GALNT10: variants seen among roughly 807,000 people sequenced by gnomAD.
GALNT10 encodes GalNAc transferase 10.
Under a neutral mutation model 75.0 loss-of-function variants are expected in GALNT10, and 41 were observed. The ratio of observed to expected loss-of-function variants is 0.55; its 90% confidence interval spans 0.43 to 0.71. GALNT10 has a LOEUF of 0.71. Ranked by LOEUF, GALNT10 falls within the 30% of genes least tolerant of loss-of-function variation. The pLI is 0.00. For synonymous variants in GALNT10, 302 were observed against 313.0 expected, an observed-to-expected ratio of 0.96 and a Z score of 0.37; for missense variants, 727 against 818.5, an observed-to-expected ratio of 0.89 and a Z score of 1.36.
At chr5:154,201,188 C>T (rs1775022991) in intron 1 of GALNT10, among the ~76,000 whole-genome samples, 4 of 152,152 alleles carry the variant, frequency 2.6e-5, no homozygotes, top group South Asian at 2.1e-4. Flanking sequence ...AGGAGACATT[C>T]GACTTTGGGA....
chr5:154,307,487 G>A (rs1318268025), intron 3 of GALNT10, among the ~76,000 whole-genome samples: 1 of 152,016 alleles, frequency 6.6e-6, no homozygotes, highest in Non-Finnish European at 1.5e-5. Flanking sequence ...AGGCGTGGTG[G>A]CAGGCGCCTG....
intron 3 of GALNT10, among the ~76,000 whole-genome samples, chr5:154,319,575 G>A (rs1367457354): frequency 1.3e-5 from 2 of 152,190 alleles, no homozygotes; most frequent in Non-Finnish European, 2.9e-5. Context: ...ACAGATTAGA[G>A]GAGAGAGAGG....
At chr5:154,375,105 G>A (rs941854312) in intron 4 of GALNT10, among the ~76,000 whole-genome samples, 1 of 152,184 alleles carries the variant, frequency 6.6e-6, no homozygotes, top group East Asian at 1.9e-4. Context: ...AGAAACTGGG[G>A]AAACACAGCT....
At chr5:154,363,909 C>G (rs1000967319) in intron 4 of GALNT10, among the ~76,000 whole-genome samples, 1 of 152,106 alleles carries the variant, frequency 6.6e-6, no homozygotes, top group Non-Finnish European at 1.5e-5. Flanking sequence ...AAAATAAAAG[C>G]AGCAAATGAC....
intron 1 of GALNT10, among the ~76,000 whole-genome samples, chr5:154,236,536 AT>A (rs1341089277): frequency 6.6e-6 from 1 of 152,190 alleles, no homozygotes; most frequent in African/African-American, 2.4e-5. Flanking sequence ...CTCTGCCTGA[AT>A]TCATGGGGAG....
At chr5:154,210,249 A>G (rs566082641) in intron 1 of GALNT10, among the ~76,000 whole-genome samples, 2 of 152,262 alleles carry the variant, frequency 1.3e-5, no homozygotes, top group South Asian at 4.2e-4. Context: ...CTGATCTCCA[A>G]CAAGCCATGT....
intron 4 of GALNT10, among the ~76,000 whole-genome samples, chr5:154,369,420 A>G (rs566570867): frequency 6.6e-6 from 1 of 152,252 alleles, no homozygotes; most frequent in East Asian, 1.9e-4. Flanking sequence ...AAAAAGAATG[A>G]AATGAAGCAA....
At chr5:154,226,700 G>C (rs1356638446) in intron 1 of GALNT10, among the ~76,000 whole-genome samples, 1 of 152,070 alleles carries the variant, frequency 6.6e-6, no homozygotes, top group Non-Finnish European at 1.5e-5. Context: ...AAATTAAACT[G>C]CGTGTTTAAA....
chr5:154,239,892 C>G (rs915172752), intron 1 of GALNT10, among the ~76,000 whole-genome samples: 2 of 152,210 alleles, frequency 1.3e-5, no homozygotes, highest in Non-Finnish European at 2.9e-5. Context: ...CTTGTTGATT[C>G]CTCATCCCCT....
At chr5:154,215,033 A>G (rs2113650766) in intron 1 of GALNT10, among the ~76,000 whole-genome samples, 1 of 152,320 alleles carries the variant, frequency 6.6e-6, no homozygotes, top group East Asian at 1.9e-4. Flanking sequence ...CTGAGATATG[A>G]CTGCATATAT....
chr5:154,398,944 G>A (rs1756102760), intron 7 of GALNT10, among the ~76,000 whole-genome samples: 10 of 152,198 alleles, frequency 6.6e-5, no homozygotes, highest in Admixed American at 6.5e-4. Context: ...GGGTGGTGGT[G>A]TTTCTCGTCC....
chr5:154,215,254 G>A (rs992352471), intron 1 of GALNT10, among the ~76,000 whole-genome samples: 7 of 151,976 alleles, frequency 4.6e-5, no homozygotes, highest in South Asian at 2.1e-4. Flanking sequence ...AGGCTGAGGC[G>A]GGCGGATCAC....
rs111751499 is a variant in GALNT10, at chr5:154,279,385, C to T, written c.160-15431C>T. 4.2e-4 allele frequency among the ~76,000 whole-genome samples: 62 copies of T among 149,296 alleles called. 1 individual carries two copies. Among genetic ancestry groups the T allele is most frequent in the African/African-American group, 1.5e-3 (59 of 40,306 alleles). On this transcript the variant is annotated intron_variant, in intron 1 of 11. Coordinates refer to ENST00000297107, the MANE Select transcript of GALNT10 (RefSeq NM_198321.4). The stretch of plus-strand genomic sequence containing the variant: ...ATGGCACGATCTCGGCTCACCACAA[C>T]CTCCGCCTCCCAGGTTCAAGTAATT...
At chr5:154,363,688 G>A (rs1755431350) in intron 4 of GALNT10, among the ~76,000 whole-genome samples, 1 of 152,100 alleles carries the variant, frequency 6.6e-6, no homozygotes, top group African/African-American at 2.4e-5. Context: ...GAGATGTTAA[G>A]TGGGGAGAGA....
At chr5:154,223,919 CA>C (rs34549433) in intron 1 of GALNT10, among the ~76,000 whole-genome samples, 10 of 144,886 alleles carry the variant, frequency 6.9e-5, no homozygotes, top group Admixed American at 1.4e-4. Context: ...GACCCTGTCT[CA>C]AAAAAAAAAA....
In GALNT10 at chr5:154,293,615, T is replaced by TATATA. The variant is rs1561652563; in HGVS notation, c.160-1201_160-1200insATATA. On this transcript the variant is annotated intron_variant, in intron 1 of 11. Transcript: ENST00000297107. The stretch of plus-strand genomic sequence containing the variant: ...GGCTGATATATATATATATATATAT[T>TATATA]TTTTTTTTCCTTTCAGCCATTCAAT... 1.4e-3 allele frequency among the ~76,000 whole-genome samples: 180 copies of TATATA among 132,928 alleles called. 4 individuals carry two copies. The highest frequency in any genetic ancestry group is 3.6e-3 in the African/African-American group (106 of 29,112). The allele number at this position is 132,928 out of a possible 152,430, so 87.2% of individuals were successfully genotyped here. A position where few individuals can be genotyped will look rare whatever the true frequency, so the allele number is the denominator to read the frequency against.
intron 7 of GALNT10, among the ~76,000 whole-genome samples, chr5:154,394,340 C>CT (rs1478787670): frequency 8.5e-6 from 1 of 117,066 alleles, no homozygotes; most frequent in Non-Finnish European, 1.6e-5. Flanking sequence ...AAAAAAAACT[C>CT]TGATTTTTTT....
At chr5:154,272,103 G>C (rs550480882) in intron 1 of GALNT10, among the ~76,000 whole-genome samples, 13 of 152,234 alleles carry the variant, frequency 8.5e-5, no homozygotes, top group African/African-American at 3.1e-4. Flanking sequence ...TGTCCCACCT[G>C]GTGCAGGCGG....
At chr5:154,195,848 G>A (rs1176458626) in intron 1 of GALNT10, among the ~76,000 whole-genome samples, 3 of 152,112 alleles carry the variant, frequency 2.0e-5, no homozygotes, top group African/African-American at 7.2e-5. Context: ...ATTATCTGCT[G>A]GAACCTATCT....
Sources: gnomAD v4.1 joint callset for allele counts (sites outside exome capture counted in the v4.1 genomes callset) on GRCh38, gnomAD v4.1.1 for gene constraint, MANE v1.5 for transcripts, NCBI Gene and HGNC (gene_info 2026-07-23, HGNC 2026-07-21) for gene names.